TASP1: variants seen among roughly 807,000 people sequenced by gnomAD.
The protein encoded by TASP1 is threonine aspartase 1.
A neutral mutation model predicts 56.6 loss-of-function variants in TASP1; 16 were observed. The observed-to-expected ratio is 0.28, with a 90% CI of 0.19 to 0.43. TASP1 has a LOEUF of 0.43. TASP1 is among the 20% of genes least tolerant of loss of function. The pLI is 1.00. For missense variants in TASP1, 393 were observed against 511.6 expected (o/e 0.77, Z 2.24); for synonymous variants, 179 against 184.2 (o/e 0.97, Z 0.23).
the TASP1 span, among the ~76,000 whole-genome samples, chr20:13,215,162 A>G: frequency 1.3e-5 from 2 of 152,214 alleles, no homozygotes; most frequent in African/African-American, 2.4e-5. Context: ...GAAGTTAGGA[A>G]ACCTGGGCTC....
chr20:13,133,587 A>T, the TASP1 span, among the ~76,000 whole-genome samples: 4 of 152,222 alleles, frequency 2.6e-5, no homozygotes, highest in East Asian at 7.7e-4. Context: ...TACAAAAATT[A>T]GCTGGGCATG....
the TASP1 span, among the ~76,000 whole-genome samples, chr20:13,178,942 A>C: frequency 6.6e-6 from 1 of 152,172 alleles, no homozygotes; most frequent in Non-Finnish European, 1.5e-5. Context: ...CCCAACACAA[A>C]GAAATGATAT....
At chr20:13,521,423 A>C (rs1257326299) in intron 10 of TASP1, among the ~76,000 whole-genome samples, 1 of 152,142 alleles carries the variant, frequency 6.6e-6, no homozygotes, top group Non-Finnish European at 1.5e-5. Context: ...GCACATATAC[A>C]CCATGGAATA....
rs75317384 is a variant in TASP1 at position 13,524,823 on chromosome 20, G to A, written c.874+3610C>T. ...GCCTCTAGATGCAAGCGGTTCGCAT[G>A]TGTTGACCCTTCAGTTACGTGCCGT... On this transcript the variant is annotated intron_variant, in intron 10 of 13. Transcript: ENST00000337743. Among the ~76,000 whole-genome samples, 963 of 152,318 alleles carry A rather than the reference G, an allele frequency of 6.3e-3. 11 individuals carry two copies. The highest frequency in any genetic ancestry group is 0.022 in the African/African-American group (924 of 41,580).
At chr20:13,432,917 A>C (rs1404386286) in intron 12 of TASP1, among the ~76,000 whole-genome samples, 8 of 152,100 alleles carry the variant, frequency 5.3e-5, no homozygotes, top group African/African-American at 1.9e-4. Context: ...AAACAATTTT[A>C]ATGCCCCCCC....
chr20:13,439,742 A>T (rs1413798326), intron 11 of TASP1, among the ~76,000 whole-genome samples: 2 of 152,168 alleles, frequency 1.3e-5, no homozygotes, highest in Non-Finnish European at 2.9e-5. Context: ...CAAAACAAGA[A>T]CAAAAAAATT....
intron 12 of TASP1, among the ~76,000 whole-genome samples, chr20:13,428,032 A>G (rs978669731): frequency 3.3e-5 from 5 of 152,180 alleles, no homozygotes; most frequent in African/African-American, 1.2e-4. Context: ...AAGAACTCCA[A>G]CACAAGCTTG....
At chr20:13,316,140 G>A in the TASP1 span, among the ~76,000 whole-genome samples, 4 of 151,712 alleles carry the variant, frequency 2.6e-5, no homozygotes, top group Admixed American at 1.3e-4. Flanking sequence ...GACATTAAAA[G>A]GATAATAAAG....
chr20:13,156,500 A>G, the TASP1 span, among the ~76,000 whole-genome samples: 1 of 152,222 alleles, frequency 6.6e-6, no homozygotes, highest in African/African-American at 2.4e-5. Context: ...GGATTCTTGG[A>G]CAAGTTACTC....
At chr20:13,194,905 G>A in the TASP1 span, among the ~76,000 whole-genome samples, 2 of 151,958 alleles carry the variant, frequency 1.3e-5, no homozygotes, top group African/African-American at 2.4e-5. Flanking sequence ...ACCAGTGATG[G>A]GATGAATTTC....
the TASP1 span, among the ~76,000 whole-genome samples, chr20:13,229,071 C>T: frequency 6.6e-6 from 1 of 152,012 alleles, no homozygotes; most frequent in Non-Finnish European, 1.5e-5. Context: ...CTTTTTCTTT[C>T]CCTTTCTTTC....
the TASP1 span, among the ~76,000 whole-genome samples, chr20:13,219,756 C>T: frequency 1.3e-5 from 2 of 152,234 alleles, no homozygotes; most frequent in East Asian, 3.9e-4. Flanking sequence ...TAAGCCCAAC[C>T]AGCAGACCCT....
intron 4 of TASP1, among the ~76,000 whole-genome samples, chr20:13,595,805 T>G: frequency 6.6e-6 from 1 of 152,214 alleles, no homozygotes; most frequent in Non-Finnish European, 1.5e-5. Flanking sequence ...CTGTCAATAT[T>G]AGACAGATCA....
At chr20:13,614,539 G>C (rs2147466015) in intron 4 of TASP1, 1 of 166,604 alleles carries the variant, frequency 6.0e-6, no homozygotes, top group African/African-American at 2.4e-5. Flanking sequence ...ATGAGCTCAA[G>C]ATATTTTTAT....
the TASP1 span, among the ~76,000 whole-genome samples, chr20:13,360,098 C>T: frequency 7.2e-5 from 11 of 152,220 alleles, no homozygotes; most frequent in South Asian, 1.2e-3. Context: ...TGCGCCTTAT[C>T]GACCAAATTG....
At chr20:13,553,713 T>C (rs2046058555) in intron 8 of TASP1, among the ~76,000 whole-genome samples, 1 of 152,200 alleles carries the variant, frequency 6.6e-6, no homozygotes, top group African/African-American at 2.4e-5. Context: ...ACTAGCTATT[T>C]AGCTCAATAT....
the TASP1 span, among the ~76,000 whole-genome samples, chr20:13,362,900 G>A: frequency 6.7e-6 from 1 of 149,664 alleles, no homozygotes; most frequent in Non-Finnish European, 1.5e-5. Context: ...CTGAGAGATA[G>A]TGGTAGGGTG....
At chr20:13,422,674 C>A (rs62209014) in intron 12 of TASP1, among the ~76,000 whole-genome samples, 1 of 152,094 alleles carries the variant, frequency 6.6e-6, no homozygotes, top group Non-Finnish European at 1.5e-5. Context: ...CTATGCTTGG[C>A]GCAATTTTAA....
At chr20:13,216,078 T>C in the TASP1 span, among the ~76,000 whole-genome samples, 16 of 152,234 alleles carry the variant, frequency 1.1e-4, no homozygotes, top group African/African-American at 3.9e-4. Context: ...GTTTCATTCA[T>C]TGAATAGATA....
Sources: gnomAD v4.1 joint callset for allele counts (sites outside exome capture counted in the v4.1 genomes callset) on GRCh38, gnomAD v4.1.1 for gene constraint, MANE v1.5 for transcripts, NCBI Gene and HGNC (gene_info 2026-07-23, HGNC 2026-07-21) for gene names.